ADCY1: variants seen among roughly 807,000 people sequenced by gnomAD.
ADCY1 encodes the protein adenylate cyclase 1, also known as adenylate cyclase type 1.
A neutral mutation model predicts 105.4 loss-of-function variants in ADCY1; 28 were observed. The observed-to-expected ratio is 0.27, with a 90% CI of 0.20 to 0.36. ADCY1 has a LOEUF of 0.36. Ranked by LOEUF, ADCY1 falls within the 10% of genes least tolerant of loss-of-function variation. The pLI is 1.00. For synonymous variants in ADCY1, 655 were observed against 623.8 expected (o/e 1.05, Z -0.75); for missense variants, 977 against 1,434.2 (o/e 0.68, Z 5.15).
chr7:45,581,331 C>A (rs994226238), intron 1 of ADCY1, among the ~76,000 whole-genome samples: 1 of 152,184 alleles, frequency 6.6e-6, no homozygotes, highest in Admixed American at 6.5e-5. Flanking sequence ...TGATGACCTA[C>A]TAGTTAGTCT....
intron 5 of ADCY1, among the ~76,000 whole-genome samples, chr7:45,653,086 T>C (rs1370079047): frequency 2.0e-5 from 3 of 152,220 alleles, no homozygotes; most frequent in Non-Finnish European, 2.9e-5. Context: ...TTAAAAGTGA[T>C]ATACATTCCC....
intron 3 of ADCY1, among the ~76,000 whole-genome samples, chr7:45,612,846 T>C (rs1186413297): frequency 2.6e-5 from 4 of 152,130 alleles, no homozygotes; most frequent in African/African-American, 9.7e-5. Context: ...ATAGATACCA[T>C]AACTTCCCCC....
chr7:45,588,287 A>G (rs1376279518), intron 1 of ADCY1, among the ~76,000 whole-genome samples: 4 of 151,920 alleles, frequency 2.6e-5, no homozygotes, highest in African/African-American at 7.3e-5. Context: ...TGGCCCTGCA[A>G]GGTGCTCCAG....
chr7:45,608,473 T>G (rs149341883), intron 2 of ADCY1, among the ~76,000 whole-genome samples: 207 of 152,314 alleles, frequency 1.4e-3, no homozygotes, highest in Middle Eastern at 6.8e-3. Context: ...AGGCCAGCAG[T>G]GGAGCAGGGC....
chr7:45,673,014 T>C (rs1354437214), intron 8 of ADCY1, among the ~76,000 whole-genome samples: 1 of 152,188 alleles, frequency 6.6e-6, no homozygotes, highest in Non-Finnish European at 1.5e-5. Context: ...ATTTTTATCA[T>C]GAATGGGTAT....
intron 3 of ADCY1, among the ~76,000 whole-genome samples, chr7:45,616,349 A>T (rs369950760): frequency 6.6e-5 from 10 of 152,230 alleles, no homozygotes; most frequent in Admixed American, 2.6e-4. Context: ...ACTAAAGGCA[A>T]ACAAGAACAC....
At chr7:45,618,126 G>A (rs1384048287) in intron 3 of ADCY1, among the ~76,000 whole-genome samples, 1 of 152,120 alleles carries the variant, frequency 6.6e-6, no homozygotes, top group Non-Finnish European at 1.5e-5. Context: ...ACATACATTG[G>A]GGAAAAGACA....
intron 4 of ADCY1, among the ~76,000 whole-genome samples, chr7:45,627,847 T>A (rs1465269477): frequency 6.6e-6 from 1 of 152,080 alleles, no homozygotes; most frequent in Non-Finnish European, 1.5e-5. Flanking sequence ...CAGAATCCAC[T>A]CGTGGGGAGA....
Position 45,677,970 on chromosome 7 carries a change from C to T in ADCY1, c.1707C>T (p.Ile569=). Residue 569 remains isoleucine, a synonymous_variant, in exon 9 of 20, where the codon ATC becomes ATT. Transcript: ENST00000297323. ...TTPGTRVNRY[I]SRLLEARQTE... The stretch of plus-strand genomic sequence containing the variant: ...CGGGCACTCGCGTCAACAGGTACAT[C>T]AGCCGCCTCTTAGAAGCCCGCCAGA... 1 of 1,614,218 alleles carries T rather than the reference C, an allele frequency of 6.2e-7. No individual in the cohort carries two copies.
Position 45,624,689 on chromosome 7 carries a change from G to A in ADCY1, c.1020+1946G>A, listed in dbSNP as rs556276388. 3.9e-5 allele frequency among the ~76,000 whole-genome samples: 6 copies of A among 152,262 alleles called. No homozygotes were observed. In the South Asian group the frequency reaches 1.0e-3, roughly 26 times the overall value. The stretch of plus-strand genomic sequence containing the variant: ...TGGTCTGCAATGCCCTTGCAGTCTT[G>A]TCTGGGCTGTCCACTAGGCTTGTCC... On this transcript the variant is annotated intron_variant, in intron 4 of 19. Coordinates refer to ENST00000297323, the MANE Select transcript of ADCY1 (RefSeq NM_021116.4).
In ADCY1 at chr7:45,647,816, A is replaced by G. The variant is rs1035903277; in HGVS notation, c.1021-854A>G. Reference sequence around the variant, plus strand: ...ATTATTATTTTAAATGCATTTGTACATGAAAAAATTCTTATTGTTAAATAT... The same window carrying G: ...ATTATTATTTTAAATGCATTTGTACGTGAAAAAATTCTTATTGTTAAATAT... On this transcript the variant is annotated intron_variant, in intron 4 of 19. Coordinates refer to ENST00000297323, the MANE Select transcript of ADCY1 (RefSeq NM_021116.4). This position sits in a 1 kb window ranked among gnomAD's most constrained non-coding sequence, Gnocchi z 4.6. 1.3e-5 allele frequency among the ~76,000 whole-genome samples: 2 copies of G among 152,250 alleles called. No homozygotes were observed. Among genetic ancestry groups the G allele is most frequent in the African/African-American group, 2.4e-5 (1 of 41,468 alleles).
At position 45,708,287 on chromosome 7, in the gene ADCY1, G is replaced by A; in HGVS notation, c.2818-63G>A. The A allele has an allele frequency of 8.7e-7, 1 of 1,145,006 alleles. No homozygotes were observed. The highest frequency in any genetic ancestry group is 1.3e-5 in the South Asian group (1 of 77,532). The allele number at this position is 1,145,006 out of a possible 1,614,324, so 70.9% of individuals were successfully genotyped here. On this transcript the variant is annotated intron_variant, in intron 17 of 19. Transcript: ENST00000297323. The surrounding 1 kb of genome is among the most constrained non-coding windows in gnomAD (Gnocchi z 4.7). ...GTGCAGCTGTTGGGCACTGCAGGTT[G>A]GTCCCTGGCCCCCTCTTGCCTTGCA...
At chr7:45,610,779 TGGGGG>T (rs1793531692) in intron 3 of ADCY1, among the ~76,000 whole-genome samples, 1 of 17,310 alleles carries the variant, frequency 5.8e-5, no homozygotes, top group Non-Finnish European at 1.1e-4. Context: ...AGTGGAGGTG[TGGGGG>T]TGATGGTGGA....
Position 45,703,566 on chromosome 7 carries a change from C to T in ADCY1, c.2572-34C>T, listed in dbSNP as rs1349465315. The T allele has an allele frequency of 3.1e-6, 5 of 1,609,798 alleles. No individual in the cohort carries two copies. In the South Asian group the frequency reaches 4.4e-5, roughly 14 times the overall value. On this transcript the variant is annotated intron_variant, in intron 15 of 19. Transcript: ENST00000297323. This position sits in a 1 kb window ranked among gnomAD's most constrained non-coding sequence, Gnocchi z 5.9. Reference sequence around the variant, plus strand: ...GCCACCCCACTTGGCGCTCACCTGGCTGACCCTTCCTGACCCATCCTTTGA... The same window carrying T: ...GCCACCCCACTTGGCGCTCACCTGGTTGACCCTTCCTGACCCATCCTTTGA...
In ADCY1 at chr7:45,690,782, G is replaced by C. The variant is rs553350461; in HGVS notation, c.2454+4109G>C. 2.0e-5 allele frequency among the ~76,000 whole-genome samples: 3 copies of C among 152,392 alleles called. No homozygotes were observed. In the South Asian group the frequency reaches 6.2e-4, roughly 32 times the overall value. ...GGCTGTGTTGCTGAACTTGGTCTTA[G>C]TTTGGCTCTGGCTGGCTATCCAGGG... On this transcript the variant is annotated intron_variant, in intron 14 of 19. Coordinates refer to ENST00000297323, the MANE Select transcript of ADCY1 (RefSeq NM_021116.4).
chr7:45,657,918 G>A, intron 6 of ADCY1, 33 bp downstream of exon 6: 1 of 1,502,372 alleles, frequency 6.7e-7, no homozygotes, highest in East Asian at 2.4e-5. Flanking sequence ...AGGGGAGGGA[G>A]GTGGGTGATG....
chr7:45,632,020 T>G (rs1794271780), intron 4 of ADCY1, among the ~76,000 whole-genome samples: 1 of 152,216 alleles, frequency 6.6e-6, no homozygotes, highest in Admixed American at 6.5e-5. Flanking sequence ...TGGATTTTTT[T>G]TTGTTGTTAT....
chr7:45,654,943 C>A (rs1383146862), intron 5 of ADCY1, among the ~76,000 whole-genome samples: 3 of 147,584 alleles, frequency 2.0e-5, no homozygotes, highest in African/African-American at 7.9e-5. Flanking sequence ...ATTTGCCCTG[C>A]CCTTCCCGCC....
chr7:45,630,150 T>C (rs1288679339), intron 4 of ADCY1, among the ~76,000 whole-genome samples: 1 of 152,218 alleles, frequency 6.6e-6, no homozygotes, highest in Non-Finnish European at 1.5e-5. Context: ...GTTTTGAGCA[T>C]TCTTTGTATG....
Sources: allele counts gnomAD v4.1 joint callset (sites outside exome capture counted in the v4.1 genomes callset), GRCh38; gene constraint gnomAD v4.1.1; non-coding constraint Gnocchi (gnomAD v3.1); transcripts MANE v1.5; gene names NCBI Gene and HGNC (gene_info 2026-07-23, HGNC 2026-07-21).